The following GLIS1 variants were observed in gnomAD, a reference collection of about 807,000 sequenced individuals.
GLIS1 encodes the protein GLIS family zinc finger 1, also known as zinc finger protein GLIS1.
In GLIS1, 24 loss-of-function variants were observed where a neutral mutation model predicts 63.8. That is an observed-to-expected ratio of 0.38 (90% confidence interval 0.27 to 0.53). The LOEUF (loss-of-function observed/expected upper bound fraction) is 0.53, where lower values mean the gene tolerates loss of function less well. Among genes scored for constraint, GLIS1 ranks in the 20% least tolerant of loss-of-function variants. The pLI, the probability that GLIS1 is intolerant of heterozygous loss-of-function variation, is 0.85. For synonymous variants in GLIS1, 450 were observed against 482.5 expected, an observed-to-expected ratio of 0.93 and a Z score of 0.88; for missense variants, 1,036 against 1,074.1, an observed-to-expected ratio of 0.96 and a Z score of 0.50.
intron 4 of GLIS1, among the ~76,000 whole-genome samples, chr1:53,532,784 A>G (rs544550413): frequency 1.3e-5 from 2 of 152,318 alleles, no homozygotes; most frequent in South Asian, 4.1e-4. Context: ...AAGGTGGACC[A>G]TGATCGATAC....
At chr1:53,584,075 T>C (rs1370433630) in intron 4 of GLIS1, among the ~76,000 whole-genome samples, 1 of 152,108 alleles carries the variant, frequency 6.6e-6, no homozygotes, top group Non-Finnish European at 1.5e-5. Flanking sequence ...GAAGAAGGGC[T>C]CCAGATTTGA....
rs527485039 is a variant in GLIS1, at chr1:53,529,717, G to A, written c.1482+74C>T. 5.3e-4 allele frequency: 787 copies of A among 1,472,836 alleles called. 3 individuals carry two copies. The highest frequency in any genetic ancestry group is 6.5e-4 in the Non-Finnish European group (701 of 1,080,316). The allele number at this position is 1,472,836 out of a possible 1,614,324, so 91.2% of individuals were successfully genotyped here. On this transcript the variant is annotated intron_variant, in intron 5 of 10. Transcript: ENST00000628545. Reference sequence around the variant, plus strand: ...CGGTGGGGCTACAGGGTAAGGCAGGGGCTCTGCACTGAATGAGTGGCAGGT... The same window carrying A: ...CGGTGGGGCTACAGGGTAAGGCAGGAGCTCTGCACTGAATGAGTGGCAGGT...
At chr1:53,719,797 C>CA (rs1646735856) in intron 2 of GLIS1, among the ~76,000 whole-genome samples, 1 of 152,108 alleles carries the variant, frequency 6.6e-6, no homozygotes, top group East Asian at 1.9e-4. Flanking sequence ...AAAGGTTCCT[C>CA]AAAAAATTAA....
chr1:53,734,831 A>G (rs1170102396), intron 2 of GLIS1, among the ~76,000 whole-genome samples: 1 of 152,230 alleles, frequency 6.6e-6, no homozygotes, highest in Non-Finnish European at 1.5e-5. Context: ...TTATAAAAGC[A>G]GAGTGTCGGG....
At chr1:53,514,086 C>G (rs1046256942) in intron 8 of GLIS1, among the ~76,000 whole-genome samples, 1 of 152,246 alleles carries the variant, frequency 6.6e-6, no homozygotes, top group Admixed American at 6.5e-5. Flanking sequence ...GAGAACCACA[C>G]TGGGTGCAGG....
intron 2 of GLIS1, among the ~76,000 whole-genome samples, chr1:53,728,927 T>C (rs997902086): frequency 6.6e-5 from 10 of 152,198 alleles, no homozygotes; most frequent in Admixed American, 3.9e-4. Flanking sequence ...ATTTCACAGA[T>C]CTTTAAAGCA....
At chr1:53,671,118 GT>G (rs149809418) in intron 2 of GLIS1, among the ~76,000 whole-genome samples, 3,202 of 152,308 alleles carry the variant, frequency 0.021, 47 homozygotes, top group Middle Eastern at 0.034. Flanking sequence ...AACTGGTGAT[GT>G]TTTTGTGGGG....
chr1:53,702,391 T>A (rs1051208749), intron 2 of GLIS1, among the ~76,000 whole-genome samples: 3 of 152,230 alleles, frequency 2.0e-5, no homozygotes, highest in African/African-American at 4.8e-5. Context: ...AGGGCAAGCA[T>A]GCAGTACACA....
intron 2 of GLIS1, among the ~76,000 whole-genome samples, chr1:53,706,590 C>A (rs1646581527): frequency 6.6e-6 from 1 of 152,232 alleles, no homozygotes; most frequent in Non-Finnish European, 1.5e-5. Context: ...GGACCACTTC[C>A]TTCTCTCTGA....
intron 4 of GLIS1, among the ~76,000 whole-genome samples, chr1:53,567,036 A>G (rs1277201781): frequency 2.6e-5 from 4 of 152,222 alleles, no homozygotes; most frequent in Non-Finnish European, 5.9e-5. Context: ...AACAATATGG[A>G]GGGCTCAGAA....
chr1:53,613,186 G>C (rs970606798), intron 2 of GLIS1, among the ~76,000 whole-genome samples: 1 of 152,162 alleles, frequency 6.6e-6, no homozygotes, highest in Admixed American at 6.5e-5. Flanking sequence ...AAGCTAATTT[G>C]CTATAGCAGA....
At chr1:53,689,556 C>A (rs562943005) in intron 2 of GLIS1, among the ~76,000 whole-genome samples, 1 of 152,126 alleles carries the variant, frequency 6.6e-6, no homozygotes, top group African/African-American at 2.4e-5. Context: ...TGCACTGTGA[C>A]CTTTCTGCCT....
chr1:53,677,578 TA>T (rs1429978462), intron 2 of GLIS1, among the ~76,000 whole-genome samples: 1 of 152,262 alleles, frequency 6.6e-6, no homozygotes, highest in African/African-American at 2.4e-5. Context: ...TTTTTCTTGC[TA>T]AACAAATTAG....
In GLIS1 at chr1:53,509,068, G is replaced by A; in HGVS notation, c.2230+52C>T. On this transcript the variant is annotated intron_variant, in intron 10 of 10. Coordinates refer to ENST00000628545, the MANE Select transcript of GLIS1 (RefSeq NM_001367484.1). ...AGCACGTATGCAGCACCCAGCACTG[G>A]GTTGAGCCTCGGCAGGTGCCCAGGA... 3 of 1,491,572 alleles carry A rather than the reference G, an allele frequency of 2.0e-6. No individual in the cohort carries two copies. In the Admixed American group the frequency reaches 6.1e-5, roughly 30 times the overall value. 92.4% of individuals were successfully genotyped at this position (1,491,572 alleles called of 1,614,324 possible). A position where few individuals can be genotyped will look rare whatever the true frequency, so the allele number is the denominator to read the frequency against.
intron 2 of GLIS1, among the ~76,000 whole-genome samples, chr1:53,727,235 T>C (rs937569554): frequency 2.6e-5 from 4 of 152,224 alleles, no homozygotes; most frequent in Non-Finnish European, 5.9e-5. Flanking sequence ...CTTGAATGAA[T>C]AATATGATTT....
intron 4 of GLIS1, among the ~76,000 whole-genome samples, chr1:53,568,814 T>C (rs1218784879): frequency 1.3e-5 from 2 of 152,226 alleles, no homozygotes; most frequent in Non-Finnish European, 2.9e-5. Flanking sequence ...CAGTCACGCT[T>C]CCTGTTAAGC....
rs117666489 is a variant in GLIS1, at chr1:53,690,233, C to T, written c.259+47573G>A. ...GGGAGCCTCACCGCCCAGCAACGCT[C>T]GGCACCACGACACCGCATCTTCAGG... is the stretch of plus-strand genomic sequence containing the variant. On this transcript the variant is annotated intron_variant, in intron 2 of 10. Coordinates refer to ENST00000628545, the MANE Select transcript of GLIS1 (RefSeq NM_001367484.1). Among the ~76,000 whole-genome samples, 53 of 152,374 alleles carry T rather than the reference C, an allele frequency of 3.5e-4. No individual in the cohort carries two copies. The East Asian group carries it at 9.3e-3, about 27-fold the overall frequency.
chr1:53,644,001 G>A (rs1335279110), intron 2 of GLIS1, among the ~76,000 whole-genome samples: 1 of 152,200 alleles, frequency 6.6e-6, no homozygotes, highest in Non-Finnish European at 1.5e-5. Context: ...TTCTTTCCCT[G>A]ATAAAGAATG....
At chr1:53,506,830 G>A (rs963504322) in intron 10 of GLIS1, 54 bp from the exon 11 acceptor site, 54 of 1,542,866 alleles carry the variant, frequency 3.5e-5, no homozygotes, top group East Asian at 6.8e-5. Flanking sequence ...CTGTGCCTGC[G>A]CATGCTTCCC....
Sources: allele counts gnomAD v4.1 joint callset (sites outside exome capture counted in the v4.1 genomes callset), GRCh38; gene constraint gnomAD v4.1.1; transcripts MANE v1.5; gene names NCBI Gene and HGNC (gene_info 2026-07-23, HGNC 2026-07-21).